Variants in SASH1 observed in about 807,000 individuals in gnomAD.
SASH1 encodes SAM and SH3 domain-containing protein 1.
SASH1 carries 44 observed loss-of-function variants against 125.2 expected under a neutral mutation model. The observed-to-expected ratio is 0.35, with a 90% CI of 0.28 to 0.45. The LOEUF is 0.45. Ranked by LOEUF, SASH1 falls within the 20% of genes least tolerant of loss-of-function variation. The pLI is 1.00. For synonymous variants in SASH1, 639 were observed against 649.1 expected, an observed-to-expected ratio of 0.98 and a Z score of 0.24; for missense variants, 1,426 against 1,614.5, an observed-to-expected ratio of 0.88 and a Z score of 2.00.
In SASH1 at chr6:148,500,783, A is replaced by ATTGT. The variant is rs757483732; in HGVS notation, c.729+13087_729+13090dup. Among the ~76,000 whole-genome samples, 275 of 150,594 alleles carry ATTGT rather than the reference A, an allele frequency of 1.8e-3. 1 individual carries two copies. The highest frequency in any genetic ancestry group is 6.4e-4 in the South Asian group (3 of 4,696). The stretch of plus-strand genomic sequence containing the variant: ...TATTTTTGCTAGTTTTTAGTGTTTT[A>ATTGT]TTGTTTGTTTGTTTGTTTGTTTTTT... On this transcript the variant is annotated intron_variant, in intron 8 of 19. Transcript: ENST00000367467.
At chr6:148,287,703 G>A (rs986361891) in intron 1 of SASH1, among the ~76,000 whole-genome samples, 5 of 16,654 alleles carry the variant, frequency 3.0e-4, no homozygotes, top group African/African-American at 5.9e-4. Context: ...GTGGGGGGGT[G>A]GGGGGTGGTA....
At chr6:148,253,476 A>C in the SASH1 span, among the ~76,000 whole-genome samples, 1 of 152,238 alleles carries the variant, frequency 6.6e-6, no homozygotes, top group Non-Finnish European at 1.5e-5. Flanking sequence ...ACATGAGTAG[A>C]TCTTACCTTA....
intron 1 of SASH1, among the ~76,000 whole-genome samples, chr6:148,302,919 A>G (rs1290329390): frequency 6.6e-6 from 1 of 151,788 alleles, no homozygotes; most frequent in Non-Finnish European, 1.5e-5. Context: ...GGTAAGGTAA[A>G]GGAGATGAGA....
chr6:148,527,745 A>T, intron 12 of SASH1, 149 bp downstream of exon 12: 1 of 751,320 alleles, frequency 1.3e-6, no homozygotes, highest in Non-Finnish European at 2.1e-6. Flanking sequence ...GTAGAGAAAC[A>T]CTGAATTCAA....
At chr6:148,292,907 C>T (rs1779670714) in intron 1 of SASH1, among the ~76,000 whole-genome samples, 1 of 152,044 alleles carries the variant, frequency 6.6e-6, no homozygotes, top group Non-Finnish European at 1.5e-5. Context: ...AAAAAATTAG[C>T]CGGGCATGGT....
chr6:148,362,593 C>T (rs1224309239), intron 1 of SASH1, among the ~76,000 whole-genome samples: 4 of 149,938 alleles, frequency 2.7e-5, no homozygotes, highest in East Asian at 2.0e-4. Context: ...AGGGTGTGGT[C>T]GTATGAGGAA....
At chr6:148,285,007 C>G (rs938115927) in intron 1 of SASH1, among the ~76,000 whole-genome samples, 4 of 152,166 alleles carry the variant, frequency 2.6e-5, no homozygotes, top group Admixed American at 6.5e-5. Flanking sequence ...ATGCCCATTA[C>G]CCATTATTTG....
At chr6:148,467,471 A>C (rs1048034183) in intron 4 of SASH1, among the ~76,000 whole-genome samples, 4 of 152,038 alleles carry the variant, frequency 2.6e-5, no homozygotes, top group African/African-American at 9.7e-5. Flanking sequence ...GGCTGTGCAC[A>C]CTTTTCAGAT....
At chr6:148,295,045 T>C (rs1315193898) in intron 1 of SASH1, among the ~76,000 whole-genome samples, 1 of 152,118 alleles carries the variant, frequency 6.6e-6, no homozygotes, top group Non-Finnish European at 1.5e-5. Flanking sequence ...ATAAGACCTA[T>C]TATTATTTTC....
At chr6:148,360,629 G>A (rs550754214) in intron 1 of SASH1, among the ~76,000 whole-genome samples, 20 of 81,856 alleles carry the variant, frequency 2.4e-4, no homozygotes, top group South Asian at 5.8e-4. Context: ...GATTACAGGC[G>A]TGAGCCACCC....
the SASH1 span, among the ~76,000 whole-genome samples, chr6:148,232,563 A>G: frequency 6.6e-6 from 1 of 152,234 alleles, no homozygotes; most frequent in African/African-American, 2.4e-5. Context: ...GTTAAATTTG[A>G]GCTGACAGTA....
chr6:148,340,860 G>A (rs796130406), upstream of SASH1, among the ~76,000 whole-genome samples: 5 of 152,260 alleles, frequency 3.3e-5, no homozygotes, highest in African/African-American at 9.6e-5. Context: ...CAGAGACTGT[G>A]CGCAGTGGCT....
chr6:148,294,198 A>G (rs1031318459), intron 1 of SASH1, among the ~76,000 whole-genome samples: 1 of 152,246 alleles, frequency 6.6e-6, no homozygotes, highest in African/African-American at 2.4e-5. Context: ...CATGGCCACA[A>G]GTGGCTTTGC....
chr6:148,240,431 G>GAA, the SASH1 span, among the ~76,000 whole-genome samples: 1 of 152,180 alleles, frequency 6.6e-6, no homozygotes, highest in Admixed American at 6.5e-5. Context: ...GCTTTCTTTA[G>GAA]AAATGATTAG....
chr6:148,290,433 C>T (rs1419890128), intron 1 of SASH1, among the ~76,000 whole-genome samples: 1 of 151,236 alleles, frequency 6.6e-6, no homozygotes, highest in Non-Finnish European at 1.5e-5. Flanking sequence ...AGTGAAACCC[C>T]GTCTCTATTA....
chr6:148,326,924 C>T (rs1780846093), intron 1 of SASH1, among the ~76,000 whole-genome samples: 1 of 152,186 alleles, frequency 6.6e-6, no homozygotes. Flanking sequence ...CTGCCCTCCA[C>T]ACTAGGACTT....
intron 2 of SASH1, among the ~76,000 whole-genome samples, chr6:148,413,048 G>C (rs1784688652): frequency 6.6e-6 from 1 of 152,086 alleles, no homozygotes; most frequent in South Asian, 2.1e-4. Context: ...TTAGTAATTT[G>C]AGCTACTTTG....
intron 1 of SASH1, among the ~76,000 whole-genome samples, chr6:148,380,663 TA>T (rs1783093704): frequency 6.6e-6 from 1 of 152,246 alleles, no homozygotes; most frequent in African/African-American, 2.4e-5. Flanking sequence ...TTGTACTTTC[TA>T]AAAACCAATG....
intron 1 of SASH1, among the ~76,000 whole-genome samples, chr6:148,287,186 G>A (rs915647843): frequency 6.6e-6 from 1 of 152,186 alleles, no homozygotes; most frequent in Non-Finnish European, 1.5e-5. Context: ...CAAGAAGTCA[G>A]CTCCTAATGA....
Sources: allele counts gnomAD v4.1 joint callset (sites outside exome capture counted in the v4.1 genomes callset), GRCh38; gene constraint gnomAD v4.1.1; transcripts MANE v1.5; gene names NCBI Gene and HGNC (gene_info 2026-07-23, HGNC 2026-07-21).